Variants in TRAPPC2L observed in about 807,000 individuals in gnomAD.
TRAPPC2L encodes the protein trafficking protein particle complex subunit 2-like protein.
Under a neutral mutation model 13.2 loss-of-function variants are expected in TRAPPC2L, and 17 were observed. That is an observed-to-expected ratio of 1.29 (90% CI 0.88 to 1.93). The LOEUF (loss-of-function observed/expected upper bound fraction) is 1.93. TRAPPC2L is among the 30% of genes most tolerant of loss of function. The pLI is 0.00. For synonymous variants in TRAPPC2L, 150 were observed against 98.1 expected, an observed-to-expected ratio of 1.53 and a Z score of -3.12; for missense variants, 359 against 252.1, an observed-to-expected ratio of 1.42 and a Z score of -2.87.
At chr16:88,861,103 T>C (rs1479941364) in exon 4 of TRAPPC2L, 5 of 750,468 alleles carry the variant, frequency 6.7e-6, no homozygotes, top group Non-Finnish European at 1.1e-5. Flanking sequence ...CTAAAGGTCT[T>C]GTGAGAGGAG....
upstream of TRAPPC2L, chr16:88,856,870 G>A (rs894681450): frequency 2.0e-5 from 30 of 1,508,654 alleles, no homozygotes; most frequent in East Asian, 5.4e-5. Flanking sequence ...CGCGACAACC[G>A]CCGCCATGGC....
At chr16:88,856,220 TC>T (rs1161508730), upstream of TRAPPC2L, 13 of 702,872 alleles carry the variant, frequency 1.8e-5, no homozygotes, top group East Asian at 3.5e-4. Flanking sequence ...CGCTCAGCAT[TC>T]TCCAGAGGAC....
chr16:88,858,823 G>T, intron 2 of TRAPPC2L, 32 bp downstream of exon 2: 1 of 1,594,330 alleles, frequency 6.3e-7, no homozygotes, highest in Non-Finnish European at 8.6e-7. Flanking sequence ...GTGTCAGGGA[G>T]GACCTACAGT....
At chr16:88,861,339 A>AG (rs34829002) in exon 4 of TRAPPC2L, 27 of 361,550 alleles carry the variant, frequency 7.5e-5, no homozygotes, top group South Asian at 5.6e-4. Context: ...GCTGGTCTGG[A>AG]GGGGGTGGCC....
chr16:88,859,964 C>G, exon 4 of TRAPPC2L: 1 of 1,614,072 alleles, frequency 6.2e-7, no homozygotes, highest in Non-Finnish European at 8.5e-7. Context: ...GGGACCGCAT[C>G]CAGTCCAGGT....
rs373291070 is a variant in TRAPPC2L, at chr16:88,859,882, G to A, written c.295-11G>A. The A allele has an allele frequency of 5.7e-5, 90 of 1,568,902 alleles. No individual in the cohort carries two copies. Among genetic ancestry groups the A allele is most frequent in the Non-Finnish European group, 7.3e-5 (85 of 1,158,774 alleles). On this transcript the variant is annotated splice_polypyrimidine_tract_variant and intron_variant, in intron 3 of 3. Coordinates refer to ENST00000565504, the Ensembl canonical transcript of TRAPPC2L. Reference sequence around the variant, plus strand: ...ATGTGGCAAGGTCATGGTTTGCTGGGTCTTTTTCAGATGTTCCGGAAGCTA... The same window carrying A: ...ATGTGGCAAGGTCATGGTTTGCTGGATCTTTTTCAGATGTTCCGGAAGCTA...
chr16:88,860,930 G>C (rs1033104978), exon 4 of TRAPPC2L: 19 of 1,594,606 alleles, frequency 1.2e-5, no homozygotes, highest in Non-Finnish European at 1.6e-5. Flanking sequence ...TGATAACATG[G>C]TGACGTCGAT....
chr16:88,861,173 C>G (rs1229974315), exon 4 of TRAPPC2L: 1 of 587,194 alleles, frequency 1.7e-6, no homozygotes, highest in African/African-American at 1.9e-5. Flanking sequence ...CAACTAAGGA[C>G]TTTTCTGGGG....
At chr16:88,861,484 C>T in exon 4 of TRAPPC2L, 2 of 359,364 alleles carry the variant, frequency 5.6e-6, no homozygotes, top group African/African-American at 4.3e-5. Context: ...TTCCGCCCGG[C>T]CTTAAAAGGA....
At chr16:88,860,450 A>T (rs1401112485) in exon 4 of TRAPPC2L, 1 of 603,702 alleles carries the variant, frequency 1.7e-6, no homozygotes, top group African/African-American at 1.9e-5. Context: ...CCCACATTCC[A>T]GACTTGCTTT....
chr16:88,860,972 G>A (rs750031456), exon 4 of TRAPPC2L: 1 of 1,579,366 alleles, frequency 6.3e-7, no homozygotes, highest in Non-Finnish European at 8.6e-7. Context: ...GAGCTGTGCT[G>A]CCAGCCATCG....
Position 88,859,982 on chromosome 16 carries a change from ACTTTCTGTGTCTTGCCACCTT to A in TRAPPC2L, c.393_413del (p.Ser132_Val138del), listed in dbSNP as rs1968269846. 3 of 1,613,644 alleles carry A rather than the reference ACTTTCTGTGTCTTGCCACCTT, an allele frequency of 1.9e-6. No homozygotes were observed. The highest frequency in any genetic ancestry group is 1.7e-6 in the Non-Finnish European group (2 of 1,179,638). The stretch of plus-strand genomic sequence containing the variant: ...ACCGCATCCAGTCCAGGTGGGCCCT[ACTTTCTGTGTCTTGCCACCTT>A]CTTTCTGTAGGACATGCCTTGCCAT... On this transcript the variant is annotated inframe_deletion, in exon 4 of 4. Transcript: ENST00000565504.
At chr16:88,856,929 T>A (rs962867799), upstream of TRAPPC2L, 20 of 1,472,154 alleles carry the variant, frequency 1.4e-5, no homozygotes, top group Non-Finnish European at 1.7e-5. Context: ...CTAGCGAGCG[T>A]CCGCCGGCCC....
chr16:88,858,802 G>A lies in TRAPPC2L; in HGVS notation c.206+11G>A. On this transcript the variant is annotated intron_variant, in intron 2 of 3. Coordinates refer to ENST00000565504, the Ensembl canonical transcript of TRAPPC2L. Reference sequence around the variant, plus strand: ...GGAGGACTACAAGGTGTATCTTTCAGGGCAGGGTGTGTGTCAGGGAGGACC... The same window carrying A: ...GGAGGACTACAAGGTGTATCTTTCAAGGCAGGGTGTGTGTCAGGGAGGACC... The A allele has an allele frequency of 3.7e-6, 6 of 1,610,366 alleles. No individual in the cohort carries two copies. Among genetic ancestry groups the A allele is most frequent in the Non-Finnish European group, 5.1e-6 (6 of 1,178,058 alleles).
chr16:88,856,359 G>T, upstream of TRAPPC2L: 4 of 702,044 alleles, frequency 5.7e-6, no homozygotes, highest in Non-Finnish European at 1.0e-5. Flanking sequence ...TCCCTTTGGG[G>T]AGGCCACGCT....
chr16:88,856,911 G>A (rs1362484063), upstream of TRAPPC2L: 1 of 1,496,658 alleles, frequency 6.7e-7, no homozygotes, highest in Non-Finnish European at 8.8e-7. Flanking sequence ...CCCGGCCAGC[G>A]AGCCGACCTA....
chr16:88,858,600 C>T lies in TRAPPC2L; in HGVS notation c.34-19C>T, dbSNP rs771679864. Reference sequence around the variant, plus strand: ...GGGTGGAGTCTTGTCCTTTCAGTCGCCGTCATCCTTTCTTGCAGAATTACC... The same window carrying T: ...GGGTGGAGTCTTGTCCTTTCAGTCGTCGTCATCCTTTCTTGCAGAATTACC... On this transcript the variant is annotated intron_variant, in intron 1 of 3. Transcript: ENST00000565504. The T allele has an allele frequency of 1.3e-5, 21 of 1,609,884 alleles. No homozygotes were observed. The East Asian group carries it at 4.5e-4, about 34-fold the overall frequency.
At chr16:88,858,815 GTC>G (rs760966338) in intron 2 of TRAPPC2L, 24 bp downstream of exon 2, 2 of 1,602,242 alleles carry the variant, frequency 1.2e-6, no homozygotes, top group Non-Finnish European at 1.7e-6. Flanking sequence ...CAGGGTGTGT[GTC>G]AGGGAGGACC....
chr16:88,858,294 G>A (rs1021289617), intron 1 of TRAPPC2L, among the ~76,000 whole-genome samples: 8 of 152,248 alleles, frequency 5.3e-5, no homozygotes, highest in African/African-American at 1.4e-4. Flanking sequence ...GGCTGAGGCA[G>A]AGTGGCCTCC....
Sources: gnomAD v4.1 joint callset for allele counts (sites outside exome capture counted in the v4.1 genomes callset) on GRCh38, gnomAD v4.1.1 for gene constraint, MANE v1.5 for transcripts, NCBI Gene and HGNC (gene_info 2026-07-23, HGNC 2026-07-21) for gene names.